Variants in OR1D2 observed in about 807,000 individuals in gnomAD.
OR1D2 encodes the protein olfactory receptor family 1 subfamily D member 2, also known as olfactory receptor 1D2.
For synonymous variants in OR1D2, 157 were observed against 153.9 expected (o/e 1.02, Z -0.15); for missense variants, 357 against 376.1 (o/e 0.95, Z 0.42).
chr17:3,092,214 C>A lies in OR1D2; in HGVS notation c.783G>T (p.Lys261Asn). 1.2e-6 allele frequency: 2 copies of A among 1,614,128 alleles called. No homozygotes were observed. Among genetic ancestry groups the A allele is most frequent in the Non-Finnish European group, 1.7e-6 (2 of 1,180,018 alleles). The change falls in exon 2 of 2, where the codon AAG (lysine) becomes AAT (asparagine). Residue 261 changes from lysine to asparagine, a missense_variant. Lys to Asn is a moderately conservative substitution (Grantham distance 94, BLOSUM62 0). Transcript: ENST00000641833. The stretch of plus-strand genomic sequence containing the variant: ...CCTTCACAGAGTAGGTATGGAGGGG[C>A]TTTAGGTATACCATACAAAGTGTCC... The part of the protein sequence containing the change: ...FYGTLCMVYL[K>N]PLHTYSVKDS...
chr17:3,092,557 A>T lies in OR1D2; in HGVS notation c.440T>A (p.Leu147Ter). 6.2e-7 allele frequency: 1 copy of T among 1,614,136 alleles called. No homozygotes were observed. Among genetic ancestry groups the T allele is most frequent in the Non-Finnish European group, 8.5e-7 (1 of 1,180,020 alleles). The change falls in exon 2 of 2, where the codon TTG becomes TAG. Residue 147 changes from leucine to a stop codon, truncating the protein, a stop_gained. Coordinates refer to ENST00000641833, the MANE Select transcript of OR1D2 (RefSeq NM_002548.3). LOFTEE classifies it low-confidence loss of function (END_TRUNC). ...SPKLCILLLS[L>*]CWVLSVLYGL... ...ATAGAGGACGGATAGGACCCAACAC[A>T]AGGAAAGGAGTAAGATACAGAGCTT...
rs1157485030 is a variant in OR1D2 at position 3,092,781 on chromosome 17, G to C, written c.216C>G (p.Phe72Leu). 4 of 1,614,042 alleles carry C rather than the reference G, an allele frequency of 2.5e-6. No individual in the cohort carries two copies. In the Admixed American group the frequency reaches 6.7e-5, roughly 27 times the overall value. ...FLANLSFTDL[F>L]FVTNTIPKML... ...TCTTGGGGATTGTGTTGGTGACAAA[G>C]AAGAGGTCAGTGAAGGAGAGGTTGG... The change falls in exon 2 of 2, where the codon TTC (phenylalanine) becomes TTG (leucine). Residue 72 changes from phenylalanine (F) to leucine (L), a missense_variant. Physicochemically the swap from Phe to Leu is conservative, Grantham distance 22. Transcript: ENST00000641833.
At position 3,092,098 on chromosome 17, in the gene OR1D2, A is replaced by G. The variant is rs1248729682; in HGVS notation, c.899T>C (p.Leu300Pro). Residue 300 changes from leucine (L) to proline (P), a missense_variant, in exon 2 of 2, where the codon CTG becomes CCG. Leu to Pro is a moderately conservative substitution (Grantham distance 98, BLOSUM62 -3). Transcript: ENST00000641833. ...SLRNKDMHGA[L>P]GRLLDKHFKR... ...AAAGTGTTTATCTAGGAGTCTTCCC[A>G]GAGCCCCATGCATGTCCTTGTTCCT... is the stretch of plus-strand genomic sequence containing the variant. The G allele has an allele frequency of 6.2e-7, 1 of 1,613,630 alleles. No homozygotes were observed. The highest frequency in any genetic ancestry group is 1.3e-5 in the African/African-American group (1 of 74,900).
intron 1 of OR1D2, among the ~76,000 whole-genome samples, chr17:3,097,937 C>A (rs1200941024): frequency 6.6e-6 from 1 of 152,172 alleles, no homozygotes. Flanking sequence ...TCAGGCCTGA[C>A]CCTGACCCAC....
chr17:3,102,436 G>A (rs2047879075), intron 1 of OR1D2, among the ~76,000 whole-genome samples: 1 of 152,118 alleles, frequency 6.6e-6, no homozygotes, highest in Non-Finnish European at 1.5e-5. Context: ...TGAACAAACT[G>A]CGATTTCATT....
chr17:3,102,336 C>G (rs907920809), intron 1 of OR1D2, among the ~76,000 whole-genome samples: 2 of 152,088 alleles, frequency 1.3e-5, no homozygotes, highest in African/African-American at 4.8e-5. Flanking sequence ...AGTTAAACTC[C>G]TAGATGTCCA....
intron 1 of OR1D2, among the ~76,000 whole-genome samples, chr17:3,099,156 C>A (rs2047863173): frequency 6.6e-6 from 1 of 152,086 alleles, no homozygotes; most frequent in South Asian, 2.1e-4. Flanking sequence ...GGCCAACATG[C>A]AAATTCAGAA....
chr17:3,098,725 C>T (rs1228520551), intron 1 of OR1D2, among the ~76,000 whole-genome samples: 2 of 152,148 alleles, frequency 1.3e-5, no homozygotes, highest in Admixed American at 6.5e-5. Flanking sequence ...TAATAACAAA[C>T]TCCTCCGAGC....
Position 3,092,299 on chromosome 17 carries a change from T to C in OR1D2, c.698A>G (p.Lys233Arg). ...ACAGGTGGAGAAGGCTTTGTATTTC[T>C]TAGAGACTGAGGGTATTCTGAGGAT... is the stretch of plus-strand genomic sequence containing the variant. Reference protein sequence around the residue: ...RAILRIPSVSKKYKAFSTCAS... With the variant: ...RAILRIPSVSRKYKAFSTCAS... The change falls in exon 2 of 2, where the codon AAG becomes AGG. Residue 233 changes from lysine to arginine, a missense_variant. Lys to Arg is a conservative substitution (Grantham distance 26). Coordinates refer to ENST00000641833, the MANE Select transcript of OR1D2 (RefSeq NM_002548.3). 6.2e-7 allele frequency: 1 copy of C among 1,614,188 alleles called. No individual in the cohort carries two copies. The highest frequency in any genetic ancestry group is 8.5e-7 in the Non-Finnish European group (1 of 1,180,018).
intron 1 of OR1D2, among the ~76,000 whole-genome samples, chr17:3,093,802 G>C (rs1444261521): frequency 6.6e-6 from 1 of 152,032 alleles, no homozygotes; most frequent in Admixed American, 6.5e-5. Context: ...CTCCAGTGAG[G>C]GGTAAAGTAA....
intron 1 of OR1D2, among the ~76,000 whole-genome samples, chr17:3,101,755 A>G (rs1177612385): frequency 6.6e-6 from 1 of 152,202 alleles, no homozygotes; most frequent in Non-Finnish European, 1.5e-5. Context: ...ACATGATTCT[A>G]TATTTAGAAA....
chr17:3,094,885 G>T (rs2047835935), intron 1 of OR1D2, among the ~76,000 whole-genome samples: 1 of 152,006 alleles, frequency 6.6e-6, no homozygotes, highest in Admixed American at 6.5e-5. Flanking sequence ...CTGAAATGAA[G>T]ATTTTATTAG....
intron 1 of OR1D2, among the ~76,000 whole-genome samples, chr17:3,103,114 G>A (rs1283866666): frequency 6.6e-6 from 1 of 152,318 alleles, no homozygotes; most frequent in Non-Finnish European, 1.5e-5. Flanking sequence ...ACCATTCAGA[G>A]CTCTATGGGA....
chr17:3,100,898 A>C (rs2047872233), intron 1 of OR1D2, among the ~76,000 whole-genome samples: 1 of 152,208 alleles, frequency 6.6e-6, no homozygotes, highest in African/African-American at 2.4e-5. Flanking sequence ...AAATACCCCT[A>C]CGCAAATAAA....
chr17:3,097,167 T>C (rs1169072049), intron 1 of OR1D2, among the ~76,000 whole-genome samples: 1 of 152,204 alleles, frequency 6.6e-6, no homozygotes, highest in Non-Finnish European at 1.5e-5. Flanking sequence ...TGTTAAATGT[T>C]CTAGTTTGTG....
chr17:3,099,036 A>G lies in OR1D2; in HGVS notation c.-51+5063T>C, dbSNP rs186582749. Among the ~76,000 whole-genome samples the G allele has an allele frequency of 1.2e-3, 178 of 152,304 alleles. 1 individual carries two copies. Among genetic ancestry groups the G allele is most frequent in the African/African-American group, 3.9e-3 (164 of 41,564 alleles). ...CAAGAAATATGGACTACGTAAAAAG[A>G]CTGAACCTACGACTGATTGGAGTAC... is the stretch of plus-strand genomic sequence containing the variant. On this transcript the variant is annotated intron_variant, in intron 1 of 1. Transcript: ENST00000641833.
chr17:3,099,549 CTG>C (rs1491450093), intron 1 of OR1D2, among the ~76,000 whole-genome samples: 1 of 152,130 alleles, frequency 6.6e-6, no homozygotes, highest in Non-Finnish European at 1.5e-5. Context: ...AAAGGAAAAA[CTG>C]GTACCAGCGA....
chr17:3,100,781 C>T (rs2047871342), intron 1 of OR1D2, among the ~76,000 whole-genome samples: 1 of 151,970 alleles, frequency 6.6e-6, no homozygotes, highest in South Asian at 2.1e-4. Context: ...GCTAGCTAGA[C>T]TAACGAAGAA....
Position 3,091,928 on chromosome 17 carries a change from A to G in OR1D2, c.*130T>C, listed in dbSNP as rs2047811594. 15 of 713,694 alleles carry G rather than the reference A, an allele frequency of 2.1e-5. No individual in the cohort carries two copies. The South Asian group carries it at 2.7e-4, about 13-fold the overall frequency. 44.2% of individuals were successfully genotyped at this position (713,694 alleles called of 1,614,324 possible). On this transcript the variant is annotated 3_prime_UTR_variant, in exon 2 of 2. Coordinates refer to ENST00000641833, the MANE Select transcript of OR1D2 (RefSeq NM_002548.3). ...TTACAAATATGTCTTTTTTATCACC[A>G]CATATCTATATGCTGTCTCTGAGCT...
Sources: gnomAD v4.1 joint callset for allele counts (sites outside exome capture counted in the v4.1 genomes callset) on GRCh38, gnomAD v4.1.1 for gene constraint, MANE v1.5 for transcripts, NCBI Gene and HGNC (gene_info 2026-07-23, HGNC 2026-07-21) for gene names.